Variants in NUP210L observed in about 807,000 individuals in gnomAD.
NUP210L encodes nucleoporin 210 like.
Under a neutral mutation model 208.5 loss-of-function variants are expected in NUP210L, and 74 were observed. The observed-to-expected ratio is 0.35, with a 90% CI of 0.29 to 0.43. The LOEUF (loss-of-function observed/expected upper bound fraction) is 0.43, where lower values mean the gene tolerates loss of function less well. NUP210L is among the 20% of genes least tolerant of loss of function. The pLI is 1.00. For missense variants in NUP210L, 1,843 were observed against 2,289.4 expected (o/e 0.81, Z 3.98); for synonymous variants, 780 against 816.9 (o/e 0.95, Z 0.77).
intron 10 of NUP210L, among the ~76,000 whole-genome samples, 177 bp from the exon 11 acceptor site, chr1:154,118,985 T>C (rs1657475718): frequency 6.6e-6 from 1 of 152,104 alleles, no homozygotes; most frequent in Non-Finnish European, 1.5e-5. Flanking sequence ...TTGCTATGGT[T>C]CAATAATAAT....
intron 34 of NUP210L, among the ~76,000 whole-genome samples, chr1:154,011,967 C>A (rs1376857933): frequency 6.6e-6 from 1 of 151,916 alleles, no homozygotes; most frequent in African/African-American, 2.4e-5. Context: ...GCCTTGGCCT[C>A]CCAAAGTGCT....
At chr1:154,122,763 T>C (rs1301577640) in intron 10 of NUP210L, among the ~76,000 whole-genome samples, 2 of 152,034 alleles carry the variant, frequency 1.3e-5, no homozygotes, top group Non-Finnish European at 2.9e-5. Context: ...TAGAAAACAG[T>C]ATGGCAGTTC....
rs1426558738 is a variant in NUP210L, at chr1:154,095,282, G to C, written c.1966-126C>G. On this transcript the variant is annotated intron_variant, in intron 14 of 39. Transcript: ENST00000368559. ...ACTTAATTCCCAAATTAAGAGATAT[G>C]TATGCCATGCCTCTCACTTGGAATG... The C allele has an allele frequency of 4.3e-6, 3 of 700,258 alleles. No individual in the cohort carries two copies. The Admixed American group carries it at 7.8e-5, about 18-fold the overall frequency. The allele number at this position is 700,258 out of a possible 1,614,324, so 43.4% of individuals were successfully genotyped here. A position where few individuals can be genotyped will look rare whatever the true frequency, so the allele number is the denominator to read the frequency against.
chr1:154,007,421 CCTGA>C (rs953246776), intron 35 of NUP210L, among the ~76,000 whole-genome samples: 1 of 151,932 alleles, frequency 6.6e-6, no homozygotes, highest in Non-Finnish European at 1.5e-5. Context: ...TGCCACCATG[CCTGA>C]CTAATTTTGT....
At chr1:154,131,189 G>C (rs551719492) in intron 7 of NUP210L, among the ~76,000 whole-genome samples, 3 of 151,054 alleles carry the variant, frequency 2.0e-5, no homozygotes, top group Non-Finnish European at 4.4e-5. Flanking sequence ...GGAGAATGGC[G>C]TGAACCCGGG....
At chr1:154,025,260 G>A (rs1651807823) in intron 30 of NUP210L, among the ~76,000 whole-genome samples, 1 of 151,160 alleles carries the variant, frequency 6.6e-6, no homozygotes, top group South Asian at 2.1e-4. Context: ...GGGCTCTAAA[G>A]TTCATTTTAA....
chr1:154,114,932 A>G (rs1557986443), intron 12 of NUP210L, among the ~76,000 whole-genome samples: 1 of 152,094 alleles, frequency 6.6e-6, no homozygotes, highest in Non-Finnish European at 1.5e-5. Context: ...TGGCAAAGTG[A>G]GAAACCTCCA....
intron 15 of NUP210L, among the ~76,000 whole-genome samples, chr1:154,093,722 G>T (rs150949683): frequency 6.6e-6 from 1 of 152,300 alleles, no homozygotes; most frequent in East Asian, 1.9e-4. Flanking sequence ...TTATGTGCTG[G>T]TTAGCTGTGC....
At chr1:154,062,032 T>C (rs1438912323) in intron 17 of NUP210L, among the ~76,000 whole-genome samples, 1 of 152,068 alleles carries the variant, frequency 6.6e-6, no homozygotes, top group East Asian at 1.9e-4. Context: ...TTCACTATGT[T>C]GGCCAGGCTG....
chr1:154,113,595 C>T (rs902311916), intron 12 of NUP210L, among the ~76,000 whole-genome samples: 2 of 152,072 alleles, frequency 1.3e-5, no homozygotes, highest in Non-Finnish European at 2.9e-5. Flanking sequence ...CGTGGTGGCT[C>T]ACGCCTGTAA....
chr1:154,052,966 T>C (rs1231762045), intron 25 of NUP210L, among the ~76,000 whole-genome samples: 1 of 152,208 alleles, frequency 6.6e-6, no homozygotes, highest in Admixed American at 6.5e-5. Context: ...GTTCCTACTA[T>C]CTGGAAACAT....
chr1:154,135,785 T>C (rs774276856), intron 7 of NUP210L, 29 bp downstream of exon 7: 1 of 1,594,238 alleles, frequency 6.3e-7, no homozygotes, highest in South Asian at 1.1e-5. Flanking sequence ...AAGTGTAGAC[T>C]GGCAGCTAAA....
chr1:154,080,641 C>T (rs562205640), intron 16 of NUP210L, among the ~76,000 whole-genome samples: 1 of 151,124 alleles, frequency 6.6e-6, no homozygotes, highest in East Asian at 2.0e-4. Context: ...GCAGAGATGG[C>T]ACCACTGCAC....
chr1:154,140,055 T>C lies in NUP210L; in HGVS notation c.567-103A>G, dbSNP rs1028992039. ...CATAGTTTCTTCAATGTCTATAGAATGTAAAACACTTTTGACTGGGCATGG... is the reference window on the plus strand; with the variant it reads ...CATAGTTTCTTCAATGTCTATAGAACGTAAAACACTTTTGACTGGGCATGG... On this transcript the variant is annotated intron_variant, in intron 4 of 39. Transcript: ENST00000368559. 1.6e-5 allele frequency: 15 copies of C among 926,568 alleles called. No individual in the cohort carries two copies. In the Admixed American group the frequency reaches 3.3e-4, roughly 20 times the overall value. The allele number at this position is 926,568 out of a possible 1,614,324, so 57.4% of individuals were successfully genotyped here. A position where few individuals can be genotyped will look rare whatever the true frequency, so the allele number is the denominator to read the frequency against.
intron 25 of NUP210L, among the ~76,000 whole-genome samples, chr1:154,048,713 C>T (rs958883987): frequency 6.6e-6 from 1 of 152,118 alleles, no homozygotes; most frequent in Non-Finnish European, 1.5e-5. Context: ...CCTGGGGAGC[C>T]CCAGCAAAAA....
At chr1:154,014,465 C>G (rs1651129626) in intron 33 of NUP210L, among the ~76,000 whole-genome samples, 1 of 152,112 alleles carries the variant, frequency 6.6e-6, no homozygotes, top group Non-Finnish European at 1.5e-5. Context: ...GTCCTTGAAC[C>G]TCTTATCTGC....
chr1:154,144,480 C>T (rs1659023923), intron 2 of NUP210L, among the ~76,000 whole-genome samples: 1 of 152,126 alleles, frequency 6.6e-6, no homozygotes, highest in Non-Finnish European at 1.5e-5. Flanking sequence ...TTAGATCTAG[C>T]TAGAGTCCCA....
intron 9 of NUP210L, 105 bp from the exon 10 acceptor site, chr1:154,126,568 TAA>T (rs1657991578): frequency 1.0e-6 from 1 of 979,022 alleles, no homozygotes; most frequent in Non-Finnish European, 1.5e-6. Context: ...ATTCATGGAA[TAA>T]AGAGATAAAA....
At chr1:154,099,554 T>C (rs1656354689) in intron 14 of NUP210L, among the ~76,000 whole-genome samples, 1 of 152,080 alleles carries the variant, frequency 6.6e-6, no homozygotes, top group Non-Finnish European at 1.5e-5. Context: ...CATAAGTATA[T>C]AGGGTAAAAG....
Sources: gnomAD v4.1 joint callset for allele counts (sites outside exome capture counted in the v4.1 genomes callset) on GRCh38, gnomAD v4.1.1 for gene constraint, MANE v1.5 for transcripts, NCBI Gene and HGNC (gene_info 2026-07-23, HGNC 2026-07-21) for gene names.